Variants in CEP83 observed in about 807,000 individuals in gnomAD.
The protein encoded by CEP83 is centrosomal protein of 83 kDa.
A neutral mutation model predicts 101.9 loss-of-function variants in CEP83; 70 were observed. The observed-to-expected ratio is 0.69, with a 90% CI of 0.57 to 0.84. CEP83 has a LOEUF of 0.84. CEP83 is among the 40% of genes least tolerant of loss of function. CEP83 has a pLI of 0.00. For synonymous variants in CEP83, 264 were observed against 267.9 expected, an observed-to-expected ratio of 0.99 and a Z score of 0.14; for missense variants, 715 against 787.2, an observed-to-expected ratio of 0.91 and a Z score of 1.10.
At chr12:94,416,575 A>AC (rs1566141713) in intron 2 of CEP83, among the ~76,000 whole-genome samples, 21,110 of 133,606 alleles carry the variant, frequency 0.16, 1,622 homozygotes, top group Non-Finnish European at 0.19. Flanking sequence ...CACACACACA[A>AC]AAAAAAAAAA....
At chr12:94,333,787 A>G (rs1239515542) in intron 12 of CEP83, 148 bp from the exon 13 acceptor site, 1 of 642,470 alleles carries the variant, frequency 1.6e-6, no homozygotes, top group African/African-American at 1.9e-5. Flanking sequence ...GAAATAACAA[A>G]TAGCAGCACC....
chr12:94,458,526 G>T (rs985252886), intron 1 of CEP83, among the ~76,000 whole-genome samples: 1 of 151,990 alleles, frequency 6.6e-6, no homozygotes, highest in Non-Finnish European at 1.5e-5. Context: ...ATCACCTGAG[G>T]TCGGGAGTTT....
the CEP83 span, among the ~76,000 whole-genome samples, chr12:94,266,431 T>C: frequency 6.6e-6 from 1 of 152,196 alleles, no homozygotes; most frequent in Admixed American, 6.5e-5. Flanking sequence ...CTGCATTGGT[T>C]CTCAAACTTG....
At chr12:94,402,724 C>G (rs2063326869) in intron 5 of CEP83, 1 of 152,532 alleles carries the variant, frequency 6.6e-6, no homozygotes, top group African/African-American at 2.4e-5. Context: ...TATGGTGAAA[C>G]CCCGTTTCTA....
intron 14 of CEP83, 34 bp from the exon 15 acceptor site, chr12:94,313,051 C>A: frequency 1.1e-6 from 1 of 931,670 alleles, no homozygotes; most frequent in South Asian, 1.5e-5. Context: ...TATGTTAATA[C>A]ATAATCTCTT....
the CEP83 span, among the ~76,000 whole-genome samples, chr12:94,273,085 C>T: frequency 9.2e-5 from 14 of 152,328 alleles, no homozygotes; most frequent in Non-Finnish European, 2.1e-4. Context: ...GTTTCCTCAT[C>T]CATTAAATGA....
intron 1 of CEP83, among the ~76,000 whole-genome samples, chr12:94,439,618 A>C (rs1001165157): frequency 1.3e-5 from 2 of 152,136 alleles, no homozygotes; most frequent in Non-Finnish European, 2.9e-5. Context: ...ACATTCAAAG[A>C]AGAATTGGTA....
At chr12:94,313,161 GCTCTTA>G in intron 14 of CEP83, 144 bp from the exon 15 acceptor site, 1 of 413,538 alleles carries the variant, frequency 2.4e-6, no homozygotes, top group Non-Finnish European at 4.3e-6. Context: ...AGTAGACATG[GCTCTTA>G]CTGAAAATTG....
At chr12:94,282,463 T>TC in the CEP83 span, 8 of 1,117,242 alleles carry the variant, frequency 7.2e-6, no homozygotes, top group Non-Finnish European at 1.1e-5. Context: ...CCATGGACAT[T>TC]CTTTTAAAAC....
chr12:94,335,503 A>T (rs2059409955), intron 12 of CEP83, 86 bp downstream of exon 12: 1 of 806,846 alleles, frequency 1.2e-6, no homozygotes, highest in Non-Finnish European at 2.0e-6. Flanking sequence ...AAAAATACTG[A>T]TGGCAAAATT....
chr12:94,273,602 C>T, the CEP83 span, among the ~76,000 whole-genome samples: 1 of 152,102 alleles, frequency 6.6e-6, no homozygotes, highest in Non-Finnish European at 1.5e-5. Flanking sequence ...TCTGTACCTC[C>T]CACATTCTAC....
chr12:94,348,175 T>C (rs1379248868), intron 11 of CEP83, among the ~76,000 whole-genome samples: 1 of 151,280 alleles, frequency 6.6e-6, no homozygotes, highest in Admixed American at 6.6e-5. Context: ...AGCACACGTA[T>C]AGAACAAAAA....
Position 94,367,784 on chromosome 12 carries a change from T to C in CEP83, c.1343+10A>G. 6.4e-7 allele frequency: 1 copy of C among 1,566,560 alleles called. No individual in the cohort carries two copies. Among genetic ancestry groups the C allele is most frequent in the South Asian group, 1.2e-5 (1 of 83,724 alleles). The stretch of plus-strand genomic sequence containing the variant: ...ACATGAAAAACTTTAAATATATATG[T>C]ATATATAACCTAACACTCTGAAGCT... On this transcript the variant is annotated intron_variant, in intron 11 of 16. Transcript: ENST00000397809.
the CEP83 span, among the ~76,000 whole-genome samples, chr12:94,291,331 G>A: frequency 2.6e-5 from 4 of 152,182 alleles, 1 homozygote; most frequent in Admixed American, 1.3e-4. Context: ...GACCTCCCAC[G>A]CTCAAGCCAT....
the CEP83 span, among the ~76,000 whole-genome samples, chr12:94,300,716 A>C: frequency 1.4e-4 from 22 of 152,244 alleles, no homozygotes; most frequent in African/African-American, 5.1e-4. Context: ...TCCTTCTTTT[A>C]CAGTAGCTCT....
In CEP83 at chr12:94,400,835, T is replaced by C. The variant is rs182004502; in HGVS notation, c.549+15A>G. The C allele has an allele frequency of 2.2e-4, 306 of 1,389,734 alleles. No homozygotes were observed. The highest frequency in any genetic ancestry group is 2.8e-4 in the Non-Finnish European group (292 of 1,060,150). 86.1% of individuals were successfully genotyped at this position (1,389,734 alleles called of 1,614,324 possible). A position where few individuals can be genotyped will look rare whatever the true frequency, so the allele number is the denominator to read the frequency against. ...CAGAACAATAACAAAGAAACTCGTA[T>C]AATCAATCACTTACCTCTGATTCAT... On this transcript the variant is annotated intron_variant, in intron 6 of 16. Transcript: ENST00000397809.
At chr12:94,322,118 T>A (rs1320188057) in intron 14 of CEP83, among the ~76,000 whole-genome samples, 1 of 152,052 alleles carries the variant, frequency 6.6e-6, no homozygotes, top group African/African-American at 2.4e-5. Context: ...TGGGAGATCC[T>A]ACCTAGTGAG....
chr12:94,297,915 G>A, the CEP83 span, among the ~76,000 whole-genome samples: 443 of 152,274 alleles, frequency 2.9e-3, 5 homozygotes, highest in Admixed American at 0.014. Flanking sequence ...ATACCAAACC[G>A]AGAGCAAATT....
At chr12:94,393,407 C>G (rs922706260) in intron 6 of CEP83, among the ~76,000 whole-genome samples, 1 of 152,118 alleles carries the variant, frequency 6.6e-6, no homozygotes, top group African/African-American at 2.4e-5. Flanking sequence ...CAGAAAAGAC[C>G]TTTGACAAAA....
Sources: gnomAD v4.1 joint callset for allele counts (sites outside exome capture counted in the v4.1 genomes callset) on GRCh38, gnomAD v4.1.1 for gene constraint, MANE v1.5 for transcripts, NCBI Gene and HGNC (gene_info 2026-07-23, HGNC 2026-07-21) for gene names.